The following LRSAM1 variants were observed in gnomAD, a reference collection of about 807,000 sequenced individuals.
LRSAM1 encodes the protein leucine rich repeat and sterile alpha motif containing 1.
LRSAM1 carries 96 observed loss-of-function variants against 118.1 expected under a neutral mutation model. That is an observed-to-expected ratio of 0.81 (90% confidence interval 0.69 to 0.96). The LOEUF is 0.96. Among genes scored for constraint, LRSAM1 ranks in the 40% least tolerant of loss-of-function variants. The pLI, the probability that LRSAM1 is intolerant of heterozygous loss-of-function variation, is 0.00. For synonymous variants in LRSAM1, 322 were observed against 364.2 expected, an observed-to-expected ratio of 0.88 and a Z score of 1.32; for missense variants, 804 against 915.5, an observed-to-expected ratio of 0.88 and a Z score of 1.57.
At chr9:127,481,592 G>A (rs1835542012) in intron 15 of LRSAM1, among the ~76,000 whole-genome samples, 1 of 152,080 alleles carries the variant, frequency 6.6e-6, no homozygotes, top group African/African-American at 2.4e-5. Context: ...ATTCTCCAGA[G>A]GATTATGCCA....
chr9:127,487,373 G>A (rs529892969), intron 17 of LRSAM1: 158 of 371,514 alleles, frequency 4.3e-4, no homozygotes, highest in African/African-American at 3.0e-3. Context: ...CATGGAGGTG[G>A]CTGGGCAGAG....
In LRSAM1 at chr9:127,487,774, G is replaced by A. The variant is rs528107662; in HGVS notation, c.1347+11G>A. On this transcript the variant is annotated intron_variant, in intron 18 of 25. Coordinates refer to ENST00000300417, the MANE Select transcript of LRSAM1 (RefSeq NM_001005373.4). ...CAGATCCTGCAGGAGGTGAGCCCTC[G>A]CCCAGAGCCTGAGGGTGGGAGCTCA... 9.3e-6 allele frequency: 15 copies of A among 1,609,822 alleles called. No homozygotes were observed. Among genetic ancestry groups the A allele is most frequent in the South Asian group, 3.3e-5 (3 of 90,392 alleles).
At position 127,501,143 on chromosome 9, in the gene LRSAM1, G is replaced by GGTAA. The variant is rs1294543474; in HGVS notation, c.2046+3_2046+6dup. On this transcript the variant is annotated frameshift_variant and splice_region_variant. Transcript: ENST00000300417. LOFTEE classifies it high-confidence loss of function. ...AGTGTGTCGTGTGCCTGGAACGGGA[G>GGTAA]GTAAGTCCGGGGCCCTCCCCACCCG... is the stretch of plus-strand genomic sequence containing the variant. 1.9e-6 allele frequency: 3 copies of GGTAA among 1,612,624 alleles called. No homozygotes were observed. The highest frequency in any genetic ancestry group is 2.5e-6 in the Non-Finnish European group (3 of 1,179,940).
intron 11 of LRSAM1, among the ~76,000 whole-genome samples, chr9:127,476,238 T>C (rs2132054197): frequency 6.6e-6 from 1 of 152,306 alleles, no homozygotes; most frequent in Admixed American, 6.5e-5. Flanking sequence ...AGATGGAGCA[T>C]TTGAGCCTCG....
At chr9:127,468,100 G>A (rs373240847) in intron 10 of LRSAM1, among the ~76,000 whole-genome samples, 5 of 152,186 alleles carry the variant, frequency 3.3e-5, no homozygotes, top group African/African-American at 7.2e-5. Flanking sequence ...CCACTGACAC[G>A]GAGTCATGGT....
chr9:127,463,733 C>T (rs1438231178), intron 9 of LRSAM1, among the ~76,000 whole-genome samples: 1 of 152,138 alleles, frequency 6.6e-6, no homozygotes, highest in African/African-American at 2.4e-5. Flanking sequence ...TAGTTCAGCC[C>T]ATGACAGACA....
rs371374976 is a variant in LRSAM1 at position 127,487,308 on chromosome 9, C to T, written c.1260-368C>T. ...CCCAGGGTGAGAGTGCCGGGAAGGA[C>T]AGCTTTGTCATACTTCGGTGGCTCA... On this transcript the variant is annotated intron_variant, in intron 17 of 25. Transcript: ENST00000300417. Among the ~76,000 whole-genome samples the T allele has an allele frequency of 6.6e-5, 10 of 152,178 alleles. No individual in the cohort carries two copies. In the South Asian group the frequency reaches 2.1e-3, roughly 32 times the overall value.
At chr9:127,455,950 C>A (rs911119230) in intron 5 of LRSAM1, among the ~76,000 whole-genome samples, 3 of 152,064 alleles carry the variant, frequency 2.0e-5, no homozygotes, top group Admixed American at 1.3e-4. Context: ...TGGTAGATAG[C>A]TAGATAGAGA....
chr9:127,463,472 C>G (rs955164869), intron 9 of LRSAM1, among the ~76,000 whole-genome samples: 1 of 152,068 alleles, frequency 6.6e-6, no homozygotes, highest in Non-Finnish European at 1.5e-5. Context: ...GGGTTGGTGA[C>G]TTCTGAGGCC....
intron 22 of LRSAM1, 23 bp from the exon 23 acceptor site, chr9:127,495,941 T>C: frequency 6.2e-7 from 1 of 1,611,704 alleles, no homozygotes; most frequent in Non-Finnish European, 8.5e-7. Flanking sequence ...TTCCTGCTCA[T>C]GGTACACGTT....
At chr9:127,492,325 G>A (rs368025835) in intron 20 of LRSAM1, among the ~76,000 whole-genome samples, 48 of 152,330 alleles carry the variant, frequency 3.2e-4, no homozygotes, top group Middle Eastern at 3.4e-3. Flanking sequence ...CATGCCTGGC[G>A]GGTGCCCTAG....
At chr9:127,488,227 C>T (rs1020968052) in intron 18 of LRSAM1, among the ~76,000 whole-genome samples, 13 of 152,128 alleles carry the variant, frequency 8.5e-5, no homozygotes, top group Admixed American at 8.5e-4. Flanking sequence ...CTGTGACCTC[C>T]TCCCCTTCGG....
intron 5 of LRSAM1, among the ~76,000 whole-genome samples, chr9:127,456,865 CAAAA>C (rs563447915): frequency 2.0e-5 from 2 of 99,668 alleles, no homozygotes; most frequent in Non-Finnish European, 4.3e-5. Context: ...GAGTTGGTCT[CAAAA>C]AAAAAAAAAA....
Position 127,479,943 on chromosome 9 carries a change from C to T in LRSAM1, c.1008C>T (p.Ser336=). The T allele has an allele frequency of 1.2e-6, 2 of 1,614,236 alleles. No individual in the cohort carries two copies. Among genetic ancestry groups the T allele is most frequent in the Non-Finnish European group, 1.7e-6 (2 of 1,180,044 alleles). The change falls in exon 14 of 26, where the codon TCC becomes TCT. Residue 336 remains serine, a synonymous_variant. Transcript: ENST00000300417. ...TGAAGCAGACGGAACAGAACATTTC[C>T]AGCCGGATCCAGAAGCTGCTGCAGG... is the stretch of plus-strand genomic sequence containing the variant. ...EQLKQTEQNI[S]SRIQKLLQDN...
At chr9:127,451,734 A>T (rs1834328921) in intron 1 of LRSAM1, 65 bp downstream of exon 1, 1 of 221,658 alleles carries the variant, frequency 4.5e-6, no homozygotes, top group East Asian at 1.0e-4. Context: ...AGGGGTCCGT[A>T]GTCCCATTCC....
chr9:127,488,796 G>A (rs1835824263), intron 18 of LRSAM1, among the ~76,000 whole-genome samples: 1 of 151,532 alleles, frequency 6.6e-6, no homozygotes, highest in Non-Finnish European at 1.5e-5. Flanking sequence ...TCCCTATGTT[G>A]CCCAGGCTGG....
At chr9:127,499,227 T>C (rs1836275803) in intron 24 of LRSAM1, among the ~76,000 whole-genome samples, 2 of 151,514 alleles carry the variant, frequency 1.3e-5, no homozygotes, top group Non-Finnish European at 2.9e-5. Flanking sequence ...AAAATAAAAT[T>C]AGCTGGGTGT....
intron 19 of LRSAM1, 84 bp downstream of exon 19, chr9:127,489,602 GA>G (rs1835857744): frequency 1.1e-5 from 16 of 1,459,298 alleles, no homozygotes; most frequent in Non-Finnish European, 2.8e-6. Flanking sequence ...CGCAGCAGTT[GA>G]GGTTTGAACC....
intron 24 of LRSAM1, among the ~76,000 whole-genome samples, chr9:127,498,852 A>C (rs59552786): frequency 6.6e-6 from 1 of 152,100 alleles, no homozygotes; most frequent in East Asian, 1.9e-4. Context: ...TGAGGTCAGG[A>C]GTTCGAGACC....
Sources: allele counts gnomAD v4.1 joint callset (sites outside exome capture counted in the v4.1 genomes callset), GRCh38; gene constraint gnomAD v4.1.1; transcripts MANE v1.5; gene names NCBI Gene and HGNC (gene_info 2026-07-23, HGNC 2026-07-21).